Variants in ABCC5 observed in about 807,000 individuals in gnomAD.
ABCC5 encodes ATP binding cassette subfamily C member 5.
Under a neutral mutation model 160.9 loss-of-function variants are expected in ABCC5, and 61 were observed. The ratio of observed to expected loss-of-function variants is 0.38; its 90% CI spans 0.31 to 0.47. The LOEUF is 0.47. ABCC5 is among the 20% of genes least tolerant of loss of function. The pLI is 0.99. For synonymous variants in ABCC5, 666 were observed against 700.6 expected (o/e 0.95, Z 0.78); for missense variants, 1,308 against 1,813.3 (o/e 0.72, Z 5.06).
At position 183,947,316 on chromosome 3, in the gene ABCC5, A is replaced by G. The variant is rs1469864965; in HGVS notation, c.3414+8T>C. On this transcript the variant is annotated splice_region_variant and intron_variant, in intron 23 of 29. Coordinates refer to ENST00000334444, the MANE Select transcript of ABCC5 (RefSeq NM_005688.4). ...AGCAAAGATGACGCTCCTATCCCAG[A>G]GACTGACCTGGACAGCATAAGAGAT... The G allele has an allele frequency of 6.3e-7, 1 of 1,582,236 alleles. No homozygotes were observed. Among genetic ancestry groups the G allele is most frequent in the Non-Finnish European group, 8.6e-7 (1 of 1,159,706 alleles).
At chr3:183,996,146 C>T (rs1720268648) in intron 2 of ABCC5, among the ~76,000 whole-genome samples, 1 of 152,100 alleles carries the variant, frequency 6.6e-6, no homozygotes, top group African/African-American at 2.4e-5. Flanking sequence ...TGAGAAGCAT[C>T]AGAAGAGGAA....
intron 11 of ABCC5, among the ~76,000 whole-genome samples, chr3:183,968,003 T>C (rs921496288): frequency 2.0e-5 from 3 of 152,176 alleles, no homozygotes; most frequent in Admixed American, 6.5e-5. Context: ...GCCGCACACA[T>C]TCCAGTATCC....
At chr3:183,979,164 G>A (rs1011841831) in intron 8 of ABCC5, among the ~76,000 whole-genome samples, 6 of 152,146 alleles carry the variant, frequency 3.9e-5, no homozygotes, top group African/African-American at 1.4e-4. Context: ...GGCCAACACG[G>A]CAAAACCCCG....
chr3:183,938,143 A>ATT (rs1713926182), intron 25 of ABCC5, 83 bp from the exon 26 acceptor site: 6 of 1,358,360 alleles, frequency 4.4e-6, no homozygotes, highest in Non-Finnish European at 6.1e-6. Flanking sequence ...GGGCAATGCC[A>ATT]ACTATTTTTC....
At chr3:184,008,090 T>C (rs1278858702) in intron 2 of ABCC5, among the ~76,000 whole-genome samples, 1 of 150,076 alleles carries the variant, frequency 6.7e-6, no homozygotes, top group Non-Finnish European at 1.5e-5. Flanking sequence ...TCCCACAGCA[T>C]CTAAATTACA....
chr3:184,008,246 T>C (rs949251491), intron 2 of ABCC5, among the ~76,000 whole-genome samples: 3 of 152,180 alleles, frequency 2.0e-5, no homozygotes, highest in Middle Eastern at 6.8e-3. Context: ...TTGCTAAATT[T>C]AAAAAAATGA....
intron 17 of ABCC5, among the ~76,000 whole-genome samples, chr3:183,958,249 C>T (rs1043928898): frequency 1.3e-5 from 2 of 152,158 alleles, no homozygotes; most frequent in Admixed American, 6.5e-5. Flanking sequence ...TATTGCATGA[C>T]GCTGAGGTCT....
At chr3:183,965,047 T>C in intron 14 of ABCC5, 138 bp downstream of exon 14, 1 of 785,384 alleles carries the variant, frequency 1.3e-6, no homozygotes. Flanking sequence ...ACACATGCTT[T>C]CCTAACACAA....
At chr3:183,922,059 AAATAAATAAATAAATAAAT>A (rs1432367556) in intron 29 of ABCC5, among the ~76,000 whole-genome samples, 3 of 148,048 alleles carry the variant, frequency 2.0e-5, no homozygotes, top group Non-Finnish European at 1.5e-5. Context: ...ATAAATAAAT[AAATAAATAAATAAATAAAT>A]AAAAAACAAC....
chr3:183,949,946 A>C lies in ABCC5; in HGVS notation c.3098+26T>G. Reference sequence around the variant, plus strand: ...GCAACTGAGGCTTCTCCGTGGCCCCAGCAGACATGAACGCTTCCTATTTAC... The same window carrying C: ...GCAACTGAGGCTTCTCCGTGGCCCCCGCAGACATGAACGCTTCCTATTTAC... On this transcript the variant is annotated intron_variant, in intron 21 of 29. Transcript: ENST00000334444. The surrounding 1 kb of genome is among the most constrained non-coding windows in gnomAD (Gnocchi z 4.2). 1 of 1,614,100 alleles carries C rather than the reference A, an allele frequency of 6.2e-7. No individual in the cohort carries two copies. Among genetic ancestry groups the C allele is most frequent in the East Asian group, 2.2e-5 (1 of 44,882 alleles).
intron 24 of ABCC5, among the ~76,000 whole-genome samples, chr3:183,945,438 A>G (rs970246379): frequency 1.3e-5 from 2 of 152,210 alleles, no homozygotes; most frequent in Non-Finnish European, 2.9e-5. Context: ...AATCCACTGC[A>G]ACAGAATCCA....
chr3:183,957,311 A>C (rs371254866), intron 17 of ABCC5, among the ~76,000 whole-genome samples: 794 of 47,832 alleles, frequency 0.017, 3 homozygotes, highest in African/African-American at 0.019. Context: ...TCCGTGTGTA[A>C]ATCACATCGG....
intron 2 of ABCC5, among the ~76,000 whole-genome samples, chr3:183,995,249 CT>C (rs1284286494): frequency 1.3e-5 from 2 of 152,004 alleles, no homozygotes; most frequent in Non-Finnish European, 2.9e-5. Context: ...ATGTTTCATC[CT>C]CCTAATTAGG....
At chr3:183,932,082 A>G (rs4148593) in intron 26 of ABCC5, among the ~76,000 whole-genome samples, 64,505 of 152,040 alleles carry the variant, frequency 0.42, 14,353 homozygotes, top group African/African-American at 0.57. Context: ...AGTGTGAGAC[A>G]ACACAGCAAT....
Position 183,963,418 on chromosome 3 carries a change from G to A in ABCC5, c.2202C>T (p.Ser734=). 6.2e-7 allele frequency: 1 copy of A among 1,614,234 alleles called. No individual in the cohort carries two copies. The highest frequency in any genetic ancestry group is 2.2e-5 in the East Asian group (1 of 44,888). ...FNSAIRKHLK[S]KTVLFVTHQL... ...GGTGGGTAACAAACAGAACTGTCTT[G>A]GACTTGAGATGTTTCCGGATAGCAC... Residue 734 remains serine, a synonymous_variant, in exon 15 of 30, where the codon TCC becomes TCT. Transcript: ENST00000334444. The surrounding 1 kb of genome is among the most constrained non-coding windows in gnomAD (Gnocchi z 4.6).
chr3:183,984,393 T>C (rs1344253934), intron 5 of ABCC5: 6 of 991,676 alleles, frequency 6.1e-6, no homozygotes, highest in Admixed American at 5.8e-5. Flanking sequence ...AGGTGCCTTA[T>C]AGCAAAGGTG....
At chr3:183,989,585 CA>C (rs1368191226) in intron 2 of ABCC5, among the ~76,000 whole-genome samples, 1 of 122,956 alleles carries the variant, frequency 8.1e-6, no homozygotes, top group African/African-American at 3.3e-5. Flanking sequence ...AAATTTTAAA[CA>C]GTTTTCTTTT....
intron 26 of ABCC5, 43 bp downstream of exon 26, chr3:183,937,858 C>T (rs771043768): frequency 3.7e-6 from 6 of 1,605,154 alleles, no homozygotes; most frequent in Non-Finnish European, 5.1e-6. Context: ...GCTCATCTGG[C>T]CTCTAAGTGA....
In ABCC5 at chr3:183,956,605, T is replaced by C. The variant is rs552573346; in HGVS notation, c.2482+3128A>G. 1.3e-4 allele frequency among the ~76,000 whole-genome samples: 19 copies of C among 151,052 alleles called. No homozygotes were observed. In the South Asian group the frequency reaches 3.8e-3, roughly 30 times the overall value. On this transcript the variant is annotated intron_variant, in intron 17 of 29. Transcript: ENST00000334444. ...CATCGGTTACATGCAGATCCGTGTG[T>C]ATATCACATCTGTTACATGCAGATC...
Sources: gnomAD v4.1 joint callset for allele counts (sites outside exome capture counted in the v4.1 genomes callset) on GRCh38, gnomAD v4.1.1 for gene constraint, Gnocchi (gnomAD v3.1) non-coding constraint, MANE v1.5 for transcripts, NCBI Gene and HGNC (gene_info 2026-07-23, HGNC 2026-07-21) for gene names.